The following TNR variants were observed in gnomAD, a reference collection of about 807,000 sequenced individuals.
The protein encoded by TNR is tenascin-R.
In TNR, 45 loss-of-function variants were observed where a neutral mutation model predicts 150.4. The observed-to-expected ratio is 0.30, with a 90% CI of 0.24 to 0.38. The LOEUF (loss-of-function observed/expected upper bound fraction) is 0.38. TNR is among the 10% of genes least tolerant of loss of function. The pLI, the probability that TNR is intolerant of heterozygous loss-of-function variation, is 1.00. For missense variants in TNR, 1,544 were observed against 1,759.1 expected (o/e 0.88, Z 2.19); for synonymous variants, 687 against 678.4 (o/e 1.01, Z -0.20).
intron 1 of TNR, among the ~76,000 whole-genome samples, chr1:175,626,556 C>T (rs1361429371): frequency 6.6e-6 from 1 of 152,204 alleles, no homozygotes; most frequent in African/African-American, 2.4e-5. Context: ...CAACAAAAAC[C>T]ATTCTTCATG....
At chr1:175,702,765 G>A (rs892217150) in intron 1 of TNR, among the ~76,000 whole-genome samples, 2 of 152,190 alleles carry the variant, frequency 1.3e-5, no homozygotes, top group African/African-American at 4.8e-5. Flanking sequence ...AACATCTGGA[G>A]CCATTAAATG....
rs373156400 is a variant in TNR at position 175,356,381 on chromosome 1, G to A, written c.3056C>T (p.Ala1019Val). ...VDLLPSTHYTATMYATNGPLT... is the reference protein window; with the variant it reads ...VDLLPSTHYTVTMYATNGPLT... ...AGGTCCATTGGTGGCATACATGGTG[G>A]CAGTATAGTGGGTGCTAGGAAGCAG... The change falls in exon 16 of 23, where the codon GCC becomes GTC. Residue 1019 changes from alanine (A) to valine (V), a missense_variant. Physicochemically the swap from Ala to Val is moderately conservative, Grantham distance 64. Coordinates refer to ENST00000367674, the MANE Select transcript of TNR (RefSeq NM_003285.3). 1.4e-5 allele frequency: 22 copies of A among 1,613,916 alleles called. No homozygotes were observed. Among genetic ancestry groups the A allele is most frequent in the African/African-American group, 1.3e-4 (10 of 74,902 alleles).
intron 1 of TNR, among the ~76,000 whole-genome samples, chr1:175,710,237 A>C (rs1406733792): frequency 6.6e-6 from 1 of 152,098 alleles, no homozygotes; most frequent in Non-Finnish European, 1.5e-5. Context: ...GGAGAGAGAA[A>C]GTCATGGAGG....
At chr1:175,524,736 C>A (rs1659785326) in intron 2 of TNR, among the ~76,000 whole-genome samples, 1 of 152,200 alleles carries the variant, frequency 6.6e-6, no homozygotes, top group African/African-American at 2.4e-5. Flanking sequence ...TGCATGTAAA[C>A]TGCCAGTTGA....
Position 175,403,535 on chromosome 1 carries a change from C to A in TNR, c.581G>T (p.Trp194Leu), listed in dbSNP as rs773002595. The change falls in exon 4 of 23, where the codon TGG (tryptophan) becomes TTG (leucine). Residue 194 changes from tryptophan (W) to leucine (L), a missense_variant. Coordinates refer to ENST00000367674, the MANE Select transcript of TNR (RefSeq NM_003285.3). ...ESCGCICNEG[W>L]FGKNCSEPYC... ...GGGCTCCGAGCAATTCTTGCCAAACCAGCCTTCGTTGCAGATGCAGCCACA... is the reference window on the plus strand; with the variant it reads ...GGGCTCCGAGCAATTCTTGCCAAACAAGCCTTCGTTGCAGATGCAGCCACA... 6.2e-7 allele frequency: 1 copy of A among 1,614,222 alleles called. No homozygotes were observed. The highest frequency in any genetic ancestry group is 1.1e-5 in the South Asian group (1 of 91,086).
At chr1:175,590,788 A>G (rs1176943546) in intron 1 of TNR, among the ~76,000 whole-genome samples, 1 of 152,262 alleles carries the variant, frequency 6.6e-6, no homozygotes, top group African/African-American at 2.4e-5. Context: ...AGGTAATAGC[A>G]GGAGGTAAGC....
intron 2 of TNR, among the ~76,000 whole-genome samples, chr1:175,499,380 G>T (rs914800130): frequency 2.6e-5 from 4 of 152,200 alleles, no homozygotes; most frequent in Admixed American, 2.6e-4. Context: ...GTAAAGTTGG[G>T]CTCTCCCTGC....
At position 175,363,735 on chromosome 1, in the gene TNR, A is replaced by G. The variant is rs1218930671; in HGVS notation, c.2680T>C (p.Tyr894His). Residue 894 changes from tyrosine to histidine, a missense_variant, in exon 13 of 23, where the codon TAC becomes CAC. Tyr to His is a moderately conservative substitution (Grantham distance 83). Around this residue, in one of 2 missense-constraint regions of TNR, gnomAD observed 1,254 missense variants for 1,329.4 expected, o/e 0.94. Transcript: ENST00000367674. ...WSPPVASFDY[Y>H]RVSYRPTQVG... ...TGGGTGGGTCGATATGATACTCGGT[A>G]GTAATCGAAAGATGCAACAGGAGGG... 2 of 1,613,842 alleles carry G rather than the reference A, an allele frequency of 1.2e-6. No individual in the cohort carries two copies. Among genetic ancestry groups the G allele is most frequent in the South Asian group, 1.1e-5 (1 of 91,032 alleles).
At chr1:175,369,673 C>CG (rs1300302844) in intron 9 of TNR, among the ~76,000 whole-genome samples, 2 of 149,966 alleles carry the variant, frequency 1.3e-5, no homozygotes, top group African/African-American at 4.9e-5. Flanking sequence ...GATGCCCCCC[C>CG]GGATTCTGGT....
At chr1:175,427,060 G>T (rs912875308) in intron 2 of TNR, among the ~76,000 whole-genome samples, 2 of 148,042 alleles carry the variant, frequency 1.4e-5, no homozygotes, top group African/African-American at 5.0e-5. Flanking sequence ...CTGATCCCTA[G>T]TCTGATGTGT....
intron 1 of TNR, among the ~76,000 whole-genome samples, chr1:175,650,736 T>C (rs1309731597): frequency 7.9e-4 from 57 of 71,942 alleles, no homozygotes; most frequent in Middle Eastern, 0.01. Flanking sequence ...CCCCGCCTCA[T>C]TACTACCCCT....
In TNR at chr1:175,588,266, C is replaced by T. The variant is rs546645942; in HGVS notation, c.-164-59897G>A. On this transcript the variant is annotated intron_variant, in intron 1 of 22. Coordinates refer to ENST00000367674, the MANE Select transcript of TNR (RefSeq NM_003285.3). ...AATGGCCTATCTCAAAACTTTGTGG[C>T]GGTAGCAGTGTGACTAATTTTAAGA... 8.5e-5 allele frequency among the ~76,000 whole-genome samples: 13 copies of T among 152,248 alleles called. No individual in the cohort carries two copies. The South Asian group carries it at 2.3e-3, about 27-fold the overall frequency.
At chr1:175,530,243 C>T (rs764549945) in intron 1 of TNR, among the ~76,000 whole-genome samples, 3 of 152,106 alleles carry the variant, frequency 2.0e-5, no homozygotes, top group Admixed American at 6.5e-5. Context: ...CTGAGGGCTA[C>T]GGCACCTGGG....
At chr1:175,578,214 G>A (rs767018663) in intron 1 of TNR, among the ~76,000 whole-genome samples, 1 of 152,158 alleles carries the variant, frequency 6.6e-6, no homozygotes, top group African/African-American at 2.4e-5. Context: ...GAGGTGGAGC[G>A]GGCAGGCCTG....
chr1:175,617,333 G>A (rs1050965467), intron 1 of TNR, among the ~76,000 whole-genome samples: 1 of 152,194 alleles, frequency 6.6e-6, no homozygotes, highest in Non-Finnish European at 1.5e-5. Context: ...CCCTTAGTCA[G>A]ACGTGAGTGT....
At chr1:175,387,256 A>G (rs1337924555) in intron 7 of TNR, among the ~76,000 whole-genome samples, 3 of 152,240 alleles carry the variant, frequency 2.0e-5, no homozygotes, top group Non-Finnish European at 1.5e-5. Flanking sequence ...GGATGTCTGC[A>G]TGGCCAACAT....
Position 175,688,236 on chromosome 1 carries a change from G to A in TNR, c.-165+54990C>T, listed in dbSNP as rs111397535. On this transcript the variant is annotated intron_variant, in intron 1 of 22. Coordinates refer to ENST00000367674, the MANE Select transcript of TNR (RefSeq NM_003285.3). Reference sequence around the variant, plus strand: ...GTACAGGGAGGAGCCCCAGTCCCACGGGGGTTGTGGCAGACAAGCCTATCT... The same window carrying A: ...GTACAGGGAGGAGCCCCAGTCCCACAGGGGTTGTGGCAGACAAGCCTATCT... Among the ~76,000 whole-genome samples the A allele has an allele frequency of 8.6e-3, 1,316 of 152,294 alleles. 27 individuals carry two copies. Among genetic ancestry groups the A allele is most frequent in the African/African-American group, 0.03 (1,249 of 41,558 alleles).
intron 2 of TNR, among the ~76,000 whole-genome samples, chr1:175,457,041 G>A (rs1267793379): frequency 1.3e-5 from 2 of 152,074 alleles, no homozygotes; most frequent in Non-Finnish European, 2.9e-5. Flanking sequence ...CTGCAGATTC[G>A]GGTAGATAAA....
At chr1:175,439,375 C>A (rs1050981466) in intron 2 of TNR, among the ~76,000 whole-genome samples, 2 of 151,964 alleles carry the variant, frequency 1.3e-5, no homozygotes, top group African/African-American at 4.8e-5. Flanking sequence ...AAAATTAATT[C>A]AAGATGGATT....
Sources: gnomAD v4.1 joint callset for allele counts (sites outside exome capture counted in the v4.1 genomes callset) on GRCh38, gnomAD v4.1.1 for gene constraint, gnomAD v4.1.1 regional missense constraint, MANE v1.5 for transcripts, NCBI Gene and HGNC (gene_info 2026-07-23, HGNC 2026-07-21) for gene names.